Variants in CDADC1 observed in about 807,000 individuals in gnomAD.
CDADC1 encodes the protein dCTP deaminase.
CDADC1 carries 39 observed loss-of-function variants against 54.9 expected under a neutral mutation model. That is an observed-to-expected ratio of 0.71 (90% CI 0.55 to 0.93). The LOEUF is 0.93. Ranked by LOEUF, CDADC1 falls within the 40% of genes least tolerant of loss-of-function variation. The pLI, the probability that CDADC1 is intolerant of heterozygous loss-of-function variation, is 0.00. For missense variants in CDADC1, 518 were observed against 618.8 expected (o/e 0.84, Z 1.73); for synonymous variants, 186 against 204.0 (o/e 0.91, Z 0.75).
chr13:49,292,186 C>T lies in CDADC1; in HGVS notation c.*429C>T, dbSNP rs9535193. 0.67 allele frequency: 666,167 copies of T among 992,118 alleles called. 226,590 individuals carry two copies. The highest frequency in any genetic ancestry group is 0.77 in the South Asian group (17,703 of 22,858). 61.5% of individuals were successfully genotyped at this position (992,118 alleles called of 1,614,324 possible). On this transcript the variant is annotated 3_prime_UTR_variant, in exon 10 of 10. Transcript: ENST00000251108. ...TAAACTGCTCCAGGGAAATAAGTGTCATCTTTTAAGAGTCAGTGTATAGCA... is the reference window on the plus strand; with the variant it reads ...TAAACTGCTCCAGGGAAATAAGTGTTATCTTTTAAGAGTCAGTGTATAGCA...
At chr13:49,256,643 A>G (rs936441458) in intron 3 of CDADC1, among the ~76,000 whole-genome samples, 2 of 152,232 alleles carry the variant, frequency 1.3e-5, no homozygotes, top group Admixed American at 1.3e-4. Flanking sequence ...TGTTCTTTTT[A>G]ATATTGTATA....
At chr13:49,281,727 G>A (rs1013810774) in intron 8 of CDADC1, among the ~76,000 whole-genome samples, 4 of 151,972 alleles carry the variant, frequency 2.6e-5, no homozygotes, top group African/African-American at 9.7e-5. Context: ...AACAAAGGGA[G>A]GTGCACACAC....
chr13:49,248,299 A>T, intron 1 of CDADC1, 180 bp downstream of exon 1: 1 of 575,942 alleles, frequency 1.7e-6, no homozygotes, highest in South Asian at 2.1e-5. Flanking sequence ...GCTCGGTCGC[A>T]CTGGCTTTTG....
intron 7 of CDADC1, among the ~76,000 whole-genome samples, chr13:49,278,912 A>C (rs1015282209): frequency 6.6e-6 from 1 of 152,214 alleles, no homozygotes; most frequent in African/African-American, 2.4e-5. Context: ...ACGATGGACT[A>C]CATGCACAAC....
At chr13:49,282,296 C>T (rs1301783846) in intron 8 of CDADC1, among the ~76,000 whole-genome samples, 2 of 137,208 alleles carry the variant, frequency 1.5e-5, no homozygotes, top group African/African-American at 5.5e-5. Flanking sequence ...ACTATCTCAC[C>T]CAGGCTGGAG....
chr13:49,286,271 A>G lies in CDADC1; in HGVS notation c.1460A>G (p.Glu487Gly), dbSNP rs1455466288. 1 of 1,612,180 alleles carries G rather than the reference A, an allele frequency of 6.2e-7. No homozygotes were observed. The highest frequency in any genetic ancestry group is 1.1e-5 in the South Asian group (1 of 91,018). ...GAYGLEQNEP[E>G]RRENGVLRPV... ...TATGGTCTTGAACAAAATGAGCCTG[A>G]AAGGAGAGAAAGTAAGTATTTATGT... Residue 487 changes from glutamate to glycine, a missense_variant, in exon 9 of 10, where the codon GAA becomes GGA. By Grantham distance (98) the Glu-to-Gly change is moderately conservative. Transcript: ENST00000251108.
Position 49,292,513 on chromosome 13 carries a change from C to G in CDADC1, c.*756C>G. On this transcript the variant is annotated 3_prime_UTR_variant, in exon 10 of 10. Transcript: ENST00000251108. ...AGTCTGGAATATTGAAACTAGCTTTCCTAGAATTCCATTAATAAATGCTGC... is the reference window on the plus strand; with the variant it reads ...AGTCTGGAATATTGAAACTAGCTTTGCTAGAATTCCATTAATAAATGCTGC... The G allele has an allele frequency of 9.7e-7, 1 of 1,032,228 alleles. No homozygotes were observed. The allele number at this position is 1,032,228 out of a possible 1,614,324, so 63.9% of individuals were successfully genotyped here.
intron 8 of CDADC1, among the ~76,000 whole-genome samples, chr13:49,282,140 T>C (rs565113128): frequency 6.6e-6 from 1 of 152,010 alleles, no homozygotes; most frequent in Non-Finnish European, 1.5e-5. Flanking sequence ...AATTTCTTAT[T>C]TGATAGTTCC....
At chr13:49,255,754 A>G in intron 2 of CDADC1, 85 bp from the exon 3 acceptor site, 1 of 1,541,344 alleles carries the variant, frequency 6.5e-7, no homozygotes, top group Non-Finnish European at 8.8e-7. Context: ...AAGCCAAGGA[A>G]GCCAGCCTTT....
intron 9 of CDADC1, among the ~76,000 whole-genome samples, chr13:49,287,805 CTA>C (rs1444683647): frequency 1.3e-5 from 2 of 151,920 alleles, no homozygotes; most frequent in Non-Finnish European, 2.9e-5. Flanking sequence ...AACCCTCTCT[CTA>C]CAAAAAATAC....
At chr13:49,279,091 A>T (rs1953237061) in intron 7 of CDADC1, among the ~76,000 whole-genome samples, 1 of 152,190 alleles carries the variant, frequency 6.6e-6, no homozygotes, top group African/African-American at 2.4e-5. Context: ...GCTTCAAAAG[A>T]GCTTTTGTTA....
rs1953754624 is a variant in CDADC1, at chr13:49,292,993, G to A, written c.*1236G>A. 3.6e-6 allele frequency: 1 copy of A among 278,738 alleles called. No individual in the cohort carries two copies. The highest frequency in any genetic ancestry group is 2.2e-5 in the African/African-American group (1 of 45,300). 17.3% of individuals were successfully genotyped at this position (278,738 alleles called of 1,614,324 possible). A position where few individuals can be genotyped will look rare whatever the true frequency, so the allele number is the denominator to read the frequency against. ...CCTGTGTAGGACCATGGGGAGTTCA[G>A]AGTCATCATACAAGGCAGCCAAGAA... is the stretch of plus-strand genomic sequence containing the variant. On this transcript the variant is annotated 3_prime_UTR_variant, in exon 10 of 10. Transcript: ENST00000251108.
chr13:49,285,778 A>C (rs143832752), intron 8 of CDADC1, among the ~76,000 whole-genome samples: 1 of 151,578 alleles, frequency 6.6e-6, no homozygotes, highest in Admixed American at 6.6e-5. Context: ...GGCTTTGTTA[A>C]TTTGAACATG....
intron 4 of CDADC1, among the ~76,000 whole-genome samples, chr13:49,262,927 A>C (rs1049532483): frequency 2.0e-5 from 3 of 152,178 alleles, no homozygotes; most frequent in African/African-American, 7.2e-5. Context: ...TTTACATAAG[A>C]AGGTCCTTGA....
chr13:49,284,187 T>C (rs1456192936), intron 8 of CDADC1, among the ~76,000 whole-genome samples: 1 of 152,230 alleles, frequency 6.6e-6, no homozygotes, highest in Non-Finnish European at 1.5e-5. Flanking sequence ...CTCAGTTCTT[T>C]GTTTTCTCTT....
At chr13:49,281,036 G>T (rs1206254821) in intron 8 of CDADC1, among the ~76,000 whole-genome samples, 13 of 152,076 alleles carry the variant, frequency 8.5e-5, no homozygotes, top group Admixed American at 7.9e-4. Context: ...GTTTCGCCAT[G>T]TTGTCCGGGC....
intron 9 of CDADC1, among the ~76,000 whole-genome samples, chr13:49,289,013 G>A (rs762984836): frequency 6.6e-6 from 1 of 151,322 alleles, no homozygotes; most frequent in African/African-American, 2.4e-5. Context: ...GCTGCAAGGT[G>A]AGTGAACTGA....
In CDADC1 at chr13:49,274,338, T is replaced by C. The variant is rs1203144248; in HGVS notation, c.1048T>C (p.Ser350Pro). Residue 350 changes from serine to proline, a missense_variant and splice_region_variant, in exon 6 of 10, where the codon TCT (serine) becomes CCT (proline). Ser to Pro is a moderately conservative substitution (Grantham distance 74). Transcript: ENST00000251108. ...VGAVIWAEGKSRSCDGTGAMY... is the reference protein window; with the variant it reads ...VGAVIWAEGKPRSCDGTGAMY... ...GGCAGTCATTTGGGCAGAAGGGAAA[T>C]CTGTAAGTATGAAAACAATTCTTTA... 1 of 1,609,122 alleles carries C rather than the reference T, an allele frequency of 6.2e-7. No individual in the cohort carries two copies. Among genetic ancestry groups the C allele is most frequent in the South Asian group, 1.1e-5 (1 of 90,818 alleles).
intron 7 of CDADC1, 114 bp from the exon 8 acceptor site, chr13:49,280,395 A>T (rs1953286446): frequency 2.2e-6 from 1 of 458,546 alleles, no homozygotes. Flanking sequence ...CATTATTAAT[A>T]ATGTCATAAA....
Sources: allele counts gnomAD v4.1 joint callset (sites outside exome capture counted in the v4.1 genomes callset), GRCh38; gene constraint gnomAD v4.1.1; transcripts MANE v1.5; gene names NCBI Gene and HGNC (gene_info 2026-07-23, HGNC 2026-07-21).